FBN2: variants seen among roughly 807,000 people sequenced by gnomAD.
The protein encoded by FBN2 is fibrillin-2.
In FBN2, 105 loss-of-function variants were observed where a neutral mutation model predicts 355.6. The ratio of observed to expected loss-of-function variants is 0.30; its 90% confidence interval spans 0.25 to 0.35. FBN2 has a LOEUF of 0.35. Ranked by LOEUF, FBN2 falls within the 10% of genes least tolerant of loss-of-function variation. The pLI, the probability that FBN2 is intolerant of heterozygous loss-of-function variation, is 1.00. For synonymous variants in FBN2, 1,350 were observed against 1,301.2 expected (o/e 1.04, Z -0.81); for missense variants, 3,280 against 3,758.7 (o/e 0.87, Z 3.33).
intron 14 of FBN2, among the ~76,000 whole-genome samples, 171 bp from the exon 15 acceptor site, chr5:128,374,921 C>T (rs1236260305): frequency 6.6e-6 from 1 of 152,176 alleles, no homozygotes; most frequent in Non-Finnish European, 1.5e-5. Flanking sequence ...ATCCTTTCAA[C>T]ACATTTCAGA....
At chr5:128,362,730 G>T (rs544250519) in intron 18 of FBN2, among the ~76,000 whole-genome samples, 1 of 152,280 alleles carries the variant, frequency 6.6e-6, no homozygotes, top group Admixed American at 6.5e-5. Flanking sequence ...CTCCCAAAGT[G>T]CTGGGATTAT....
At chr5:128,393,448 T>C in intron 9 of FBN2, 80 bp from the exon 10 acceptor site, 1 of 1,187,090 alleles carries the variant, frequency 8.4e-7, no homozygotes, top group Admixed American at 1.8e-5. Flanking sequence ...CTGTACTAAG[T>C]CACTTTGGGT....
intron 5 of FBN2, among the ~76,000 whole-genome samples, chr5:128,475,786 C>T (rs1002554268): frequency 5.9e-5 from 9 of 152,146 alleles, no homozygotes; most frequent in Admixed American, 5.9e-4. Flanking sequence ...ATTAAATAGG[C>T]TAGCATTCGT....
At chr5:128,493,070 C>A (rs1432844634) in intron 5 of FBN2, among the ~76,000 whole-genome samples, 1 of 151,994 alleles carries the variant, frequency 6.6e-6, no homozygotes, top group East Asian at 1.9e-4. Flanking sequence ...GATACAAAGG[C>A]AAATAAAACA....
chr5:128,407,907 C>T (rs1026468525), intron 8 of FBN2, among the ~76,000 whole-genome samples: 4 of 152,206 alleles, frequency 2.6e-5, no homozygotes, highest in Admixed American at 1.3e-4. Context: ...CGGCCACCCT[C>T]TAGTGGACCA....
intron 27 of FBN2, among the ~76,000 whole-genome samples, chr5:128,337,256 TATAA>T (rs1423732458): frequency 1.3e-5 from 2 of 152,236 alleles, no homozygotes; most frequent in African/African-American, 4.8e-5. Flanking sequence ...ACATAAGGCT[TATAA>T]ATAAATATAT....
At chr5:128,404,297 A>G (rs1752871718) in intron 8 of FBN2, among the ~76,000 whole-genome samples, 1 of 152,228 alleles carries the variant, frequency 6.6e-6, no homozygotes. Flanking sequence ...CAAATGTAAC[A>G]TAGTTATTCA....
chr5:128,338,508 T>C (rs1750907237), intron 26 of FBN2, among the ~76,000 whole-genome samples: 1 of 152,192 alleles, frequency 6.6e-6, no homozygotes, highest in African/African-American at 2.4e-5. Context: ...GTAGGTCTTA[T>C]ATCATACTGA....
At chr5:128,280,987 G>C (rs1021549094) in intron 55 of FBN2, among the ~76,000 whole-genome samples, 5 of 152,192 alleles carry the variant, frequency 3.3e-5, no homozygotes, top group East Asian at 1.9e-4. Context: ...GAGCATAAGA[G>C]AGCGCATGAC....
chr5:128,514,456 T>G (rs1418095934), intron 5 of FBN2, among the ~76,000 whole-genome samples: 1 of 152,208 alleles, frequency 6.6e-6, no homozygotes, highest in African/African-American at 2.4e-5. Context: ...TGACTAGTTT[T>G]TCAATAATTT....
intron 5 of FBN2, among the ~76,000 whole-genome samples, chr5:128,500,427 A>ATTTTT (rs1312943529): frequency 1.2e-4 from 13 of 107,490 alleles, no homozygotes; most frequent in African/African-American, 4.9e-4. Flanking sequence ...GACTCTGACA[A>ATTTTT]TTCTTTTTTT....
At chr5:128,415,949 T>G (rs1753183602) in intron 7 of FBN2, among the ~76,000 whole-genome samples, 1 of 152,176 alleles carries the variant, frequency 6.6e-6, no homozygotes, top group African/African-American at 2.4e-5. Context: ...TCTCTCATGA[T>G]TAGTAATACT....
intron 6 of FBN2, among the ~76,000 whole-genome samples, chr5:128,462,789 T>C (rs527455108): frequency 6.6e-6 from 1 of 152,284 alleles, no homozygotes; most frequent in South Asian, 2.1e-4. Context: ...AATGTTTTGG[T>C]TGAAGTTAAA....
chr5:128,473,433 A>C (rs1452260699), intron 5 of FBN2, among the ~76,000 whole-genome samples: 3 of 152,166 alleles, frequency 2.0e-5, no homozygotes, highest in Non-Finnish European at 4.4e-5. Context: ...TTTTTATCTT[A>C]AGTACTAAAA....
intron 7 of FBN2, among the ~76,000 whole-genome samples, chr5:128,444,762 G>A (rs1754022848): frequency 6.6e-6 from 1 of 152,176 alleles, no homozygotes; most frequent in Admixed American, 6.5e-5. Context: ...TTGATGAAAT[G>A]TAACATAGAA....
At chr5:128,434,394 G>GTATGTATATATATATATATATATATA (rs1753715365) in intron 7 of FBN2, among the ~76,000 whole-genome samples, 8 of 91,678 alleles carry the variant, frequency 8.7e-5, no homozygotes, top group African/African-American at 4.8e-4. Flanking sequence ...AATAAAGTGT[G>GTATGTATATATATATATATATATATA]TATATATATA....
At chr5:128,286,513 T>A (rs994120504) in intron 55 of FBN2, among the ~76,000 whole-genome samples, 2 of 152,254 alleles carry the variant, frequency 1.3e-5, no homozygotes, top group Non-Finnish European at 2.9e-5. Context: ...CAAAAGGGCA[T>A]GTATTCTTGA....
chr5:128,329,339 AAC>A (rs1337752449), intron 33 of FBN2, among the ~76,000 whole-genome samples: 34 of 152,284 alleles, frequency 2.2e-4, no homozygotes, highest in African/African-American at 7.7e-4. Flanking sequence ...TAATTACACA[AAC>A]AGACATTACT....
At chr5:128,382,823 T>C (rs986660609) in intron 11 of FBN2, among the ~76,000 whole-genome samples, 4 of 152,100 alleles carry the variant, frequency 2.6e-5, no homozygotes, top group African/African-American at 9.7e-5. Flanking sequence ...ACTATTGTCA[T>C]AATTTCTTGC....
Sources: gnomAD v4.1 joint callset for allele counts (sites outside exome capture counted in the v4.1 genomes callset) on GRCh38, gnomAD v4.1.1 for gene constraint, MANE v1.5 for transcripts, NCBI Gene and HGNC (gene_info 2026-07-23, HGNC 2026-07-21) for gene names.